RAD18: variants seen among roughly 807,000 people sequenced by gnomAD.
RAD18 encodes RAD18 E3 ubiquitin protein ligase.
A neutral mutation model predicts 60.4 loss-of-function variants in RAD18; 47 were observed. The observed-to-expected ratio is 0.78, with a 90% CI of 0.62 to 0.99. RAD18 has a LOEUF of 0.99. RAD18 is among the 50% of genes least tolerant of loss of function. The probability of loss-of-function intolerance (pLI) is 0.00; values close to 1 mark genes in which losing one functional copy is unlikely to be tolerated. For missense variants in RAD18, 640 were observed against 593.3 expected, an observed-to-expected ratio of 1.08 and a Z score of -0.82; for synonymous variants, 225 against 195.5, an observed-to-expected ratio of 1.15 and a Z score of -1.26.
intron 12 of RAD18, among the ~76,000 whole-genome samples, chr3:8,883,556 C>G (rs1939508742): frequency 6.6e-6 from 1 of 152,168 alleles, no homozygotes; most frequent in Non-Finnish European, 1.5e-5. Flanking sequence ...GGTTCTGTGT[C>G]TGTGCTGGGG....
In RAD18 at chr3:8,941,786, A is replaced by T; in HGVS notation, c.285T>A (p.Phe95Leu). Residue 95 changes from phenylalanine (F) to leucine (L), a missense_variant, in exon 5 of 13, where the codon TTT becomes TTA. By Grantham distance (22) the Phe-to-Leu change is conservative (BLOSUM62 0). Transcript: ENST00000264926. The part of the protein sequence containing the change: ...LNFARNHLLQ[F>L]ALESPAKSPA... Reference sequence around the variant, plus strand: ...GAGATTTGGCTGGTGACTCTAAAGCAAACTGCAGCAGATGATTCCTTGAAG... The same window carrying T: ...GAGATTTGGCTGGTGACTCTAAAGCTAACTGCAGCAGATGATTCCTTGAAG... 6.2e-7 allele frequency: 1 copy of T among 1,612,226 alleles called. No homozygotes were observed. The highest frequency in any genetic ancestry group is 8.5e-7 in the Non-Finnish European group (1 of 1,178,920).
rs1190045435 is a variant in RAD18 at position 8,939,455 on chromosome 3, T to C, written c.704+99A>G. The stretch of plus-strand genomic sequence containing the variant: ...GAAGAAAGCAAGTAAGAGCAGGAAA[T>C]ACGGTCACCAGGATAAAAGGAATAC... On this transcript the variant is annotated intron_variant, in intron 6 of 12. Transcript: ENST00000264926. 8 of 959,030 alleles carry C rather than the reference T, an allele frequency of 8.3e-6. No individual in the cohort carries two copies. The East Asian group carries it at 2.1e-4, about 25-fold the overall frequency. The allele number at this position is 959,030 out of a possible 1,614,324, so 59.4% of individuals were successfully genotyped here. A position where few individuals can be genotyped will look rare whatever the true frequency, so the allele number is the denominator to read the frequency against.
Position 8,956,236 on chromosome 3 carries a change from C to A in RAD18, c.133+2684G>T, listed in dbSNP as rs1048395762. ...CATATCCGAATTGCCAGCATCATTA[C>A]TCTTGTGCTTTGGGGCTACTATTAA... is the stretch of plus-strand genomic sequence containing the variant. On this transcript the variant is annotated intron_variant, in intron 2 of 12. Transcript: ENST00000264926. Among the ~76,000 whole-genome samples the A allele has an allele frequency of 2.6e-5, 4 of 152,168 alleles. No homozygotes were observed. The South Asian group carries it at 8.3e-4, about 31-fold the overall frequency.
intron 4 of RAD18, 66 bp downstream of exon 4, chr3:8,947,154 A>G (rs1409968732): frequency 8.1e-7 from 1 of 1,239,426 alleles, no homozygotes; most frequent in African/African-American, 1.5e-5. Context: ...AAGGTGCACA[A>G]AGTAAAGAGA....
chr3:8,923,645 C>T lies in RAD18; in HGVS notation c.890-9925G>A, dbSNP rs995014520. Among the ~76,000 whole-genome samples the T allele has an allele frequency of 2.5e-4, 38 of 152,164 alleles. 1 individual carries two copies. The South Asian group carries it at 5.6e-3, about 22-fold the overall frequency. ...ACCAAAGTTGAAATGAAGGAAAAAACGTTAAGGGCAGCCAGAGAGAAAGGT... is the reference window on the plus strand; with the variant it reads ...ACCAAAGTTGAAATGAAGGAAAAAATGTTAAGGGCAGCCAGAGAGAAAGGT... On this transcript the variant is annotated intron_variant, in intron 7 of 12. Transcript: ENST00000264926.
rs548704765 is a variant in RAD18, at chr3:8,879,869, A to G, written c.*1488T>C. On this transcript the variant is annotated 3_prime_UTR_variant, in exon 13 of 13. Coordinates refer to ENST00000264926, the MANE Select transcript of RAD18 (RefSeq NM_020165.4). Reference sequence around the variant, plus strand: ...TCCCTCACAAACTCCTTTTGCTGCAATTAAAGTAATAATTACTTCCAGTTT... The same window carrying G: ...TCCCTCACAAACTCCTTTTGCTGCAGTTAAAGTAATAATTACTTCCAGTTT... The G allele has an allele frequency of 2.6e-5, 4 of 152,364 alleles. No individual in the cohort carries two copies. In the East Asian group the frequency reaches 7.7e-4, roughly 29 times the overall value. 9.4% of individuals were successfully genotyped at this position (152,364 alleles called of 1,614,324 possible).
intron 1 of RAD18, among the ~76,000 whole-genome samples, chr3:8,960,175 C>T (rs952872257): frequency 2.6e-5 from 4 of 152,020 alleles, no homozygotes; most frequent in African/African-American, 9.7e-5. Context: ...GGAGTAGTGG[C>T]GCATGCCTGT....
At chr3:8,959,196 T>C (rs1464992174) in intron 1 of RAD18, among the ~76,000 whole-genome samples, 195 bp from the exon 2 acceptor site, 1 of 152,214 alleles carries the variant, frequency 6.6e-6, no homozygotes. Context: ...CTCTTATACA[T>C]TCAGTCTCAG....
intron 12 of RAD18, among the ~76,000 whole-genome samples, chr3:8,888,845 C>T (rs183538366): frequency 6.6e-6 from 1 of 152,282 alleles, no homozygotes; most frequent in East Asian, 1.9e-4. Context: ...TTTCTAAGTG[C>T]TTTCTGGTAG....
chr3:8,897,248 T>C lies in RAD18; in HGVS notation c.1322+1646A>G, dbSNP rs570174172. On this transcript the variant is annotated intron_variant, in intron 11 of 12. Transcript: ENST00000264926. The stretch of plus-strand genomic sequence containing the variant: ...TTCTTTCAACTGTCAGCAGTATAAA[T>C]GACTGACACAAATAAAAATCAAATA... Among the ~76,000 whole-genome samples the C allele has an allele frequency of 8.5e-5, 13 of 152,238 alleles. 1 individual carries two copies. In the East Asian group the frequency reaches 2.5e-3, roughly 29 times the overall value.
intron 7 of RAD18, among the ~76,000 whole-genome samples, chr3:8,927,869 T>C (rs1940470363): frequency 6.7e-6 from 1 of 150,240 alleles, no homozygotes; most frequent in Non-Finnish European, 1.5e-5. Context: ...ATGACAACAC[T>C]TGGACACAGG....
rs1575528525 is a variant in RAD18, at chr3:8,881,028, C to T, written c.*329G>A. On this transcript the variant is annotated 3_prime_UTR_variant, in exon 13 of 13. Coordinates refer to ENST00000264926, the MANE Select transcript of RAD18 (RefSeq NM_020165.4). ...AGAAGGAGAATGGCCTAAGGACATT[C>T]TGAAATTTAATTATCAAACCAAACC... The T allele has an allele frequency of 9.2e-6, 2 of 217,848 alleles. No individual in the cohort carries two copies. Among genetic ancestry groups the T allele is most frequent in the East Asian group, 1.3e-4 (1 of 7,568 alleles). 13.5% of individuals were successfully genotyped at this position (217,848 alleles called of 1,614,324 possible).
intron 2 of RAD18, among the ~76,000 whole-genome samples, chr3:8,950,406 T>C (rs1317422025): frequency 1.3e-5 from 2 of 152,182 alleles, no homozygotes; most frequent in Non-Finnish European, 2.9e-5. Context: ...ACTGGAGTTT[T>C]ATCAGAGCCC....
intron 2 of RAD18, among the ~76,000 whole-genome samples, chr3:8,952,933 T>A (rs1940949797): frequency 6.6e-6 from 1 of 152,138 alleles, no homozygotes; most frequent in Admixed American, 6.5e-5. Flanking sequence ...CCATCATAAA[T>A]TGAAAATATC....
intron 2 of RAD18, among the ~76,000 whole-genome samples, chr3:8,956,845 G>C (rs557450821): frequency 1.3e-5 from 2 of 151,580 alleles, no homozygotes; most frequent in South Asian, 2.1e-4. Flanking sequence ...AAAACTTACA[G>C]CTAACATCAT....
chr3:8,924,636 T>C (rs1227314206), intron 7 of RAD18, among the ~76,000 whole-genome samples: 3 of 134,076 alleles, frequency 2.2e-5, no homozygotes, highest in Non-Finnish European at 4.9e-5. Context: ...ATCACACTTA[T>C]TCCAAAATTG....
chr3:8,905,810 C>T (rs1425928032), intron 9 of RAD18, among the ~76,000 whole-genome samples: 1 of 152,208 alleles, frequency 6.6e-6, no homozygotes, highest in Non-Finnish European at 1.5e-5. Context: ...TTCTTCTCTT[C>T]ATTCAAATAT....
intron 12 of RAD18, among the ~76,000 whole-genome samples, chr3:8,883,985 A>T (rs1344210531): frequency 6.6e-6 from 1 of 152,126 alleles, no homozygotes; most frequent in African/African-American, 2.4e-5. Context: ...GAACCATTAG[A>T]CAGGCTAAGT....
At chr3:8,910,220 GA>G (rs1940083411) in intron 9 of RAD18, among the ~76,000 whole-genome samples, 1 of 152,196 alleles carries the variant, frequency 6.6e-6, no homozygotes, top group African/African-American at 2.4e-5. Flanking sequence ...AAATGTATTG[GA>G]AAGTGATTTA....
Sources: allele counts gnomAD v4.1 joint callset (sites outside exome capture counted in the v4.1 genomes callset), GRCh38; gene constraint gnomAD v4.1.1; transcripts MANE v1.5; gene names NCBI Gene and HGNC (gene_info 2026-07-23, HGNC 2026-07-21).